LRPPRC: variants seen among roughly 807,000 people sequenced by gnomAD.
LRPPRC encodes leucine rich pentatricopeptide repeat containing.
A neutral mutation model predicts 180.3 loss-of-function variants in LRPPRC; 120 were observed. That is an observed-to-expected ratio of 0.67 (90% confidence interval 0.57 to 0.77). The LOEUF is 0.77. Ranked by LOEUF, LRPPRC falls within the 30% of genes least tolerant of loss-of-function variation. LRPPRC has a pLI of 0.00. For missense variants in LRPPRC, 2,012 were observed against 1,657.2 expected, an observed-to-expected ratio of 1.21 and a Z score of -3.72; for synonymous variants, 723 against 600.0, an observed-to-expected ratio of 1.21 and a Z score of -3.00.
intron 15 of LRPPRC, among the ~76,000 whole-genome samples, chr2:43,950,257 G>T (rs1050606711): frequency 1.3e-5 from 2 of 151,704 alleles, no homozygotes; most frequent in African/African-American, 4.8e-5. Flanking sequence ...ACATGTGCAG[G>T]ATGTGCAGGT....
intron 35 of LRPPRC, chr2:43,896,156 A>T (rs1288824685): frequency 1.9e-5 from 3 of 159,294 alleles, no homozygotes; most frequent in Admixed American, 1.2e-4. Flanking sequence ...CTGCATTGTT[A>T]AATGTCCCAA....
At chr2:43,917,628 A>T (rs551955598) in intron 29 of LRPPRC, among the ~76,000 whole-genome samples, 2 of 152,106 alleles carry the variant, frequency 1.3e-5, no homozygotes, top group Admixed American at 1.3e-4. Flanking sequence ...TCTCTACTAC[A>T]AATATAAAAA....
rs1437397825 is a variant in LRPPRC at position 43,887,232 on chromosome 2, C to G, written c.*1368G>C. 6.7e-6 allele frequency: 1 copy of G among 150,214 alleles called. No individual in the cohort carries two copies. The highest frequency in any genetic ancestry group is 1.5e-5 in the Non-Finnish European group (1 of 67,580). 9.3% of individuals were successfully genotyped at this position (150,214 alleles called of 1,614,324 possible). A position where few individuals can be genotyped will look rare whatever the true frequency, so the allele number is the denominator to read the frequency against. On this transcript the variant is annotated 3_prime_UTR_variant, in exon 38 of 38. Coordinates refer to ENST00000260665, the MANE Select transcript of LRPPRC (RefSeq NM_133259.4). Reference sequence around the variant, plus strand: ...GGGCAGTGCTCAAGGGAAAGCCGCACTATGTCCACTGGGCCAAGACTCAAC... The same window carrying G: ...GGGCAGTGCTCAAGGGAAAGCCGCAGTATGTCCACTGGGCCAAGACTCAAC...
intron 30 of LRPPRC, among the ~76,000 whole-genome samples, chr2:43,912,132 G>A (rs559168475): frequency 1.3e-5 from 2 of 152,242 alleles, no homozygotes; most frequent in Non-Finnish European, 2.9e-5. Context: ...GGATTTAGAT[G>A]TTGAACAAGG....
At chr2:43,987,487 TCCTCAAAAAAAAAAAAAAAAAA>T in intron 1 of LRPPRC, among the ~76,000 whole-genome samples, 1 of 57,368 alleles carries the variant, frequency 1.7e-5, no homozygotes, top group Non-Finnish European at 3.2e-5. Flanking sequence ...AGAGCCAGAC[TCCTCAAAAAAAAAAAAAAAAAA>T]AAGGTTGGTA....
rs369430049 is a variant in LRPPRC, at chr2:43,896,673, C to T, written c.3861G>A (p.Leu1287=). 1.2e-6 allele frequency: 2 copies of T among 1,612,728 alleles called. No homozygotes were observed. Among genetic ancestry groups the T allele is most frequent in the Non-Finnish European group, 1.7e-6 (2 of 1,178,888 alleles). Residue 1287 remains leucine, a synonymous_variant, in exon 35 of 38, where the codon TTG becomes TTA. Coordinates refer to ENST00000260665, the MANE Select transcript of LRPPRC (RefSeq NM_133259.4). ...TAGAATTCCTAAGGAGGAACAACAACAAAATCGGGGTTTGTTCAGCAATTG... is the reference window on the plus strand; with the variant it reads ...TAGAATTCCTAAGGAGGAACAACAATAAAATCGGGGTTTGTTCAGCAATTG... The part of the protein sequence containing the change: ...CGAIAEQTPI[L]LLFLLRNSRK...
At chr2:43,905,079 C>T (rs1340690094) in intron 31 of LRPPRC, among the ~76,000 whole-genome samples, 1 of 152,198 alleles carries the variant, frequency 6.6e-6, no homozygotes, top group Non-Finnish European at 1.5e-5. Context: ...GTCATGTCCA[C>T]ATCTTTCAGG....
At position 43,918,864 on chromosome 2, in the gene LRPPRC, T is replaced by TATAG. The variant is rs567455477; in HGVS notation, c.2897-470_2897-467dup. ...CTATATATAGAGATATATATATAGA[T>TATAG]ATAGATAGATAGATATATGGCATAT... On this transcript the variant is annotated intron_variant, in intron 27 of 37. Transcript: ENST00000260665. Among the ~76,000 whole-genome samples the TATAG allele has an allele frequency of 2.0e-5, 3 of 149,094 alleles. No homozygotes were observed. In the East Asian group the frequency reaches 5.8e-4, roughly 29 times the overall value.
chr2:43,916,871 C>T (rs779039938), intron 29 of LRPPRC, among the ~76,000 whole-genome samples: 55 of 145,690 alleles, frequency 3.8e-4, no homozygotes, highest in Admixed American at 1.2e-3. Flanking sequence ...CTTAAGCCCA[C>T]GAGGCGGGGG....
chr2:43,937,103 A>G (rs1672304617), intron 23 of LRPPRC, among the ~76,000 whole-genome samples: 1 of 152,180 alleles, frequency 6.6e-6, no homozygotes, highest in East Asian at 1.9e-4. Context: ...GGTCAAAGCT[A>G]TCAATAAATG....
At chr2:43,985,058 T>TAA (rs1194413008) in intron 1 of LRPPRC, among the ~76,000 whole-genome samples, 1 of 143,564 alleles carries the variant, frequency 7.0e-6, no homozygotes, top group Non-Finnish European at 1.5e-5. Flanking sequence ...GAATGTCCAT[T>TAA]AAAAAAAAAA....
intron 20 of LRPPRC, 149 bp from the exon 21 acceptor site, chr2:43,946,392 T>C: frequency 3.0e-6 from 2 of 668,544 alleles, no homozygotes; most frequent in Admixed American, 2.2e-5. Context: ...TGCCCCTTGA[T>C]ATTTTTATTC....
At chr2:43,954,449 T>C (rs957252618) in intron 14 of LRPPRC, among the ~76,000 whole-genome samples, 3 of 152,226 alleles carry the variant, frequency 2.0e-5, no homozygotes, top group Admixed American at 6.5e-5. Context: ...CATTGTAATG[T>C]CTAATACTTG....
Position 43,974,310 on chromosome 2 carries a change from A to G in LRPPRC, c.1010-15T>C, listed in dbSNP as rs200538316. The G allele has an allele frequency of 2.1e-5, 33 of 1,594,888 alleles. No individual in the cohort carries two copies. In the African/African-American group the frequency reaches 4.4e-4, roughly 21 times the overall value. On this transcript the variant is annotated splice_polypyrimidine_tract_variant and intron_variant, in intron 8 of 37. Transcript: ENST00000260665. Reference sequence around the variant, plus strand: ...GTTCATTGCATCTGGGAAGAAAACAAAGACATCTTTTGTTAATAAACTGAA... The same window carrying G: ...GTTCATTGCATCTGGGAAGAAAACAGAGACATCTTTTGTTAATAAACTGAA...
In LRPPRC at chr2:43,953,940, C is replaced by G. The variant is rs1204433416; in HGVS notation, c.1650-3340G>C. Among the ~76,000 whole-genome samples, 3 of 152,272 alleles carry G rather than the reference C, an allele frequency of 2.0e-5. No individual in the cohort carries two copies. The South Asian group carries it at 6.2e-4, about 32-fold the overall frequency. Reference sequence around the variant, plus strand: ...ATCCCAGCACTTTGGGAGGCCAAGGCTGGGGGTTCACTTGAGCCCAGGAAT... The same window carrying G: ...ATCCCAGCACTTTGGGAGGCCAAGGGTGGGGGTTCACTTGAGCCCAGGAAT... On this transcript the variant is annotated intron_variant, in intron 14 of 37. Transcript: ENST00000260665.
intron 32 of LRPPRC, among the ~76,000 whole-genome samples, chr2:43,899,950 CTT>C (rs1357925145): frequency 6.6e-6 from 1 of 152,122 alleles, no homozygotes; most frequent in African/African-American, 2.4e-5. Flanking sequence ...AAATATTTAA[CTT>C]AATTTTTGCC....
In LRPPRC at chr2:43,897,367, ATT is replaced by A. The variant is rs1369425160; in HGVS notation, c.3826-661_3826-660del. Among the ~76,000 whole-genome samples the A allele has an allele frequency of 2.6e-5, 4 of 152,282 alleles. No individual in the cohort carries two copies. The South Asian group carries it at 8.3e-4, about 32-fold the overall frequency. ...GTAAAATCAAATATGGCAAGACAATATTTTAGTTTACACTCATCACAGATGTC... is the reference window on the plus strand; with the variant it reads ...GTAAAATCAAATATGGCAAGACAATATTAGTTTACACTCATCACAGATGTC... On this transcript the variant is annotated intron_variant, in intron 34 of 37. Transcript: ENST00000260665.
At chr2:43,981,394 C>A (rs1348469852) in intron 2 of LRPPRC, among the ~76,000 whole-genome samples, 1 of 152,134 alleles carries the variant, frequency 6.6e-6, no homozygotes, top group Non-Finnish European at 1.5e-5. Context: ...GGTATGGTGG[C>A]CCACGTCTGT....
chr2:43,931,942 GAGAT>G (rs750097453), intron 25 of LRPPRC, among the ~76,000 whole-genome samples: 12 of 151,554 alleles, frequency 7.9e-5, no homozygotes, highest in Non-Finnish European at 1.5e-4. Context: ...TCTAGTCAAA[GAGAT>G]AGACCTTTAA....
Sources: allele counts gnomAD v4.1 joint callset (sites outside exome capture counted in the v4.1 genomes callset), GRCh38; gene constraint gnomAD v4.1.1; transcripts MANE v1.5; gene names NCBI Gene and HGNC (gene_info 2026-07-23, HGNC 2026-07-21).